The following CWC22 variants were observed in gnomAD, a reference collection of about 807,000 sequenced individuals.
CWC22 encodes CWC22 spliceosome associated protein, also known as pre-mRNA-splicing factor CWC22 homolog.
Under a neutral mutation model 117.2 loss-of-function variants are expected in CWC22, and 53 were observed. The ratio of observed to expected loss-of-function variants is 0.45; its 90% CI spans 0.36 to 0.57. CWC22 has a LOEUF of 0.57. Among genes scored for constraint, CWC22 ranks in the 20% least tolerant of loss-of-function variants. CWC22 has a pLI of 0.00. For synonymous variants in CWC22, 360 were observed against 355.6 expected, an observed-to-expected ratio of 1.01 and a Z score of -0.14; for missense variants, 980 against 1,068.8, an observed-to-expected ratio of 0.92 and a Z score of 1.16.
At chr2:179,996,008 G>T (rs984263688) in intron 1 of CWC22, among the ~76,000 whole-genome samples, 1 of 152,152 alleles carries the variant, frequency 6.6e-6, no homozygotes, top group Non-Finnish European at 1.5e-5. Context: ...ACCAACACAT[G>T]TACAAGACAG....
chr2:179,975,459 G>C (rs1244158246), intron 6 of CWC22, among the ~76,000 whole-genome samples: 1 of 152,092 alleles, frequency 6.6e-6, no homozygotes, highest in Non-Finnish European at 1.5e-5. Context: ...GCAAGAGAAA[G>C]AAATAAAAGG....
In CWC22 at chr2:179,944,982, T is replaced by C; in HGVS notation, c.*147A>G. 2 of 586,436 alleles carry C rather than the reference T, an allele frequency of 3.4e-6. No homozygotes were observed. The allele number at this position is 586,436 out of a possible 1,614,324, so 36.3% of individuals were successfully genotyped here. ...GTAGGGCCTTGAGATGTATCAATTA[T>C]AAAACATGTTAAAATGAAAACATTT... On this transcript the variant is annotated 3_prime_UTR_variant, in exon 20 of 20. Coordinates refer to ENST00000410053, the MANE Select transcript of CWC22 (RefSeq NM_020943.3).
In CWC22 at chr2:179,945,455, C is replaced by T; in HGVS notation, c.2401G>A (p.Ala801Thr). Residue 801 changes from alanine (A) to threonine (T), a missense_variant, in exon 20 of 20, where the codon GCG becomes ACG. By Grantham distance (58) the Ala-to-Thr change is moderately conservative. This residue lies in a region of CWC22 where 306 missense variants were observed against 296.8 expected (regional missense o/e 1.03). Transcript: ENST00000410053. ...TGCATTTCTTGGTCTCTGTCATTCGCAACTCTACTGTAGTTATTTCGTTCA... is the reference window on the plus strand; with the variant it reads ...TGCATTTCTTGGTCTCTGTCATTCGTAACTCTACTGTAGTTATTTCGTTCA... ...PSERNNYSRVANDRDQEMHID... is the reference protein window; with the variant it reads ...PSERNNYSRVTNDRDQEMHID... The T allele has an allele frequency of 6.2e-7, 1 of 1,612,840 alleles. No individual in the cohort carries two copies. Among genetic ancestry groups the T allele is most frequent in the Non-Finnish European group, 8.5e-7 (1 of 1,179,214 alleles).
intron 16 of CWC22, among the ~76,000 whole-genome samples, 153 bp downstream of exon 16, chr2:179,954,052 C>A (rs1686522405): frequency 6.6e-6 from 1 of 151,982 alleles, no homozygotes; most frequent in Non-Finnish European, 1.5e-5. Flanking sequence ...TTTCTGATTC[C>A]TTATAACATG....
chr2:180,004,881 T>C (rs543947705), intron 1 of CWC22, among the ~76,000 whole-genome samples: 305 of 152,202 alleles, frequency 2.0e-3, no homozygotes, highest in Non-Finnish European at 3.7e-3. Flanking sequence ...TGGCTGGCCA[T>C]GCATCCAAGT....
chr2:179,954,379 C>T (rs185108109), intron 15 of CWC22, 22 bp from the exon 16 acceptor site: 6 of 1,471,396 alleles, frequency 4.1e-6, no homozygotes, highest in African/African-American at 2.8e-5. Context: ...AAAATCAGTA[C>T]CATTAAAAAT....
At chr2:179,995,225 G>A (rs1575658608) in intron 1 of CWC22, among the ~76,000 whole-genome samples, 1 of 152,152 alleles carries the variant, frequency 6.6e-6, no homozygotes, top group African/African-American at 2.4e-5. Context: ...ATCATTGTTT[G>A]AACTTAGTTT....
At chr2:179,955,465 T>C (rs1490768069) in intron 14 of CWC22, among the ~76,000 whole-genome samples, 2 of 152,040 alleles carry the variant, frequency 1.3e-5, no homozygotes, top group Admixed American at 1.3e-4. Flanking sequence ...GGAATATATT[T>C]AGCATGGAAA....
In CWC22 at chr2:179,965,955, G is replaced by A. The variant is rs773327121; in HGVS notation, c.1238C>T (p.Ser413Leu). Reference sequence around the variant, plus strand: ...ACTCCCAGCATCCTGGTCTGTGTTCGAGTCAGTATCTCCCTCATCAAGAAT... The same window carrying A: ...ACTCCCAGCATCCTGGTCTGTGTTCAAGTCAGTATCTCCCTCATCAAGAAT... The part of the protein sequence containing the change: ...KEILDEGDTD[S>L]NTDQDAGSSE... Residue 413 changes from serine to leucine, a missense_variant, in exon 12 of 20, where the codon TCG (serine) becomes TTG (leucine). By Grantham distance (145) the Ser-to-Leu change is moderately radical (BLOSUM62 -2). Coordinates refer to ENST00000410053, the MANE Select transcript of CWC22 (RefSeq NM_020943.3). 18 of 1,610,810 alleles carry A rather than the reference G, an allele frequency of 1.1e-5. No individual in the cohort carries two copies. The highest frequency in any genetic ancestry group is 4.5e-5 in the East Asian group (2 of 44,820).
chr2:179,980,444 G>A (rs1032029938), intron 5 of CWC22, among the ~76,000 whole-genome samples: 2 of 136,580 alleles, frequency 1.5e-5, no homozygotes, highest in African/African-American at 5.5e-5. Flanking sequence ...TTGAGGCAGA[G>A]TCTCTCTCTG....
intron 1 of CWC22, among the ~76,000 whole-genome samples, chr2:180,004,468 T>C (rs1415679511): frequency 1.3e-5 from 2 of 152,088 alleles, no homozygotes; most frequent in South Asian, 2.1e-4. Flanking sequence ...CTCAGCTCAC[T>C]GCAACCTCCG....
chr2:179,981,367 G>A (rs1687282386), intron 5 of CWC22, among the ~76,000 whole-genome samples: 1 of 151,932 alleles, frequency 6.6e-6, no homozygotes, highest in Non-Finnish European at 1.5e-5. Context: ...GCTGACTCCT[G>A]GTTTACAACA....
At chr2:180,002,020 T>C (rs1687860654) in intron 1 of CWC22, among the ~76,000 whole-genome samples, 1 of 152,184 alleles carries the variant, frequency 6.6e-6, no homozygotes, top group Admixed American at 6.5e-5. Context: ...ATCATCTCCA[T>C]CCCCATAGCT....
In CWC22 at chr2:179,995,684, C is replaced by T. The variant is rs185045535; in HGVS notation, c.-113-2230G>A. Among the ~76,000 whole-genome samples the T allele has an allele frequency of 6.6e-5, 10 of 152,232 alleles. No individual in the cohort carries two copies. In the East Asian group the frequency reaches 1.5e-3, roughly 24 times the overall value. On this transcript the variant is annotated intron_variant, in intron 1 of 19. Coordinates refer to ENST00000410053, the MANE Select transcript of CWC22 (RefSeq NM_020943.3). ...CTCTTGACAAAATATACAACAACCA[C>T]CTGAAGGCACTGGAGAATGAACAAA...
intron 13 of CWC22, among the ~76,000 whole-genome samples, chr2:179,959,284 A>G (rs1373884002): frequency 6.6e-6 from 1 of 152,196 alleles, no homozygotes; most frequent in Admixed American, 6.5e-5. Context: ...TCCTTGAATT[A>G]TGCTAAGTGA....
intron 2 of CWC22, among the ~76,000 whole-genome samples, chr2:179,989,610 A>G (rs1050047345): frequency 6.6e-6 from 1 of 152,164 alleles, no homozygotes; most frequent in Non-Finnish European, 1.5e-5. Context: ...AAAACAATCA[A>G]TATACAAATA....
At chr2:179,963,335 C>CTTTTTTT (rs774947016) in intron 13 of CWC22, among the ~76,000 whole-genome samples, 77 of 82,060 alleles carry the variant, frequency 9.4e-4, no homozygotes, top group African/African-American at 1.1e-3. Flanking sequence ...ATATTTAATA[C>CTTTTTTT]TTTTTTTTTT....
At position 179,950,862 on chromosome 2, in the gene CWC22, T is replaced by C. The variant is rs1156425982; in HGVS notation, c.1882A>G (p.Ile628Val). Reference sequence around the variant, plus strand: ...AGACCTATAGAAGTAAAGAAGTTGATGGCAAACCGAGTGTTTCTTGGATTA... The same window carrying C: ...AGACCTATAGAAGTAAAGAAGTTGACGGCAAACCGAGTGTTTCTTGGATTA... ...RDNPRNTRFA[I>V]NFFTSIGLGG... Residue 628 changes from isoleucine to valine, a missense_variant, in exon 18 of 20, where the codon ATC becomes GTC. This residue lies in a region of CWC22 where 115 missense variants were observed against 169.8 expected (regional missense o/e 0.68). Coordinates refer to ENST00000410053, the MANE Select transcript of CWC22 (RefSeq NM_020943.3). The C allele has an allele frequency of 3.1e-6, 5 of 1,598,730 alleles. No individual in the cohort carries two copies. Among genetic ancestry groups the C allele is most frequent in the East Asian group, 2.3e-5 (1 of 44,188 alleles).
At chr2:179,952,621 A>G (rs1476581292) in intron 16 of CWC22, 23 bp from the exon 17 acceptor site, 3 of 1,299,816 alleles carry the variant, frequency 2.3e-6, no homozygotes, top group Non-Finnish European at 3.1e-6. Flanking sequence ...ATAAAAAAAG[A>G]CAAGTATATT....
Sources: allele counts gnomAD v4.1 joint callset (sites outside exome capture counted in the v4.1 genomes callset), GRCh38; gene constraint gnomAD v4.1.1; regional missense constraint gnomAD v4.1.1; transcripts MANE v1.5; gene names NCBI Gene and HGNC (gene_info 2026-07-23, HGNC 2026-07-21).